Variants in RBFOX1 observed in about 807,000 individuals in gnomAD.
RBFOX1 encodes the protein RNA binding fox-1 homolog 1, also known as RNA binding protein fox-1 homolog 1.
RBFOX1 carries 8 observed loss-of-function variants against 57.7 expected under a neutral mutation model. The observed-to-expected ratio is 0.14, with a 90% CI of 0.08 to 0.25. The LOEUF (loss-of-function observed/expected upper bound fraction) is 0.25. Ranked by LOEUF, RBFOX1 falls within the 10% of genes least tolerant of loss-of-function variation. The probability of loss-of-function intolerance (pLI) is 1.00; values close to 1 mark genes in which losing one functional copy is unlikely to be tolerated. For missense variants in RBFOX1, 611 were observed against 548.5 expected (o/e 1.11, Z -1.14); for synonymous variants, 326 against 222.4 (o/e 1.47, Z -4.15).
chr16:5,359,424 C>A (rs766680998), intron 1 of RBFOX1, among the ~76,000 whole-genome samples: 1 of 152,184 alleles, frequency 6.6e-6, no homozygotes, highest in Admixed American at 6.5e-5. Context: ...AATTTACATT[C>A]CCACCAACAG....
intron 2 of RBFOX1, among the ~76,000 whole-genome samples, chr16:6,619,887 T>C (rs2098201897): frequency 6.6e-6 from 1 of 152,010 alleles, no homozygotes; most frequent in Non-Finnish European, 1.5e-5. Context: ...AGGCCGCAGT[T>C]TGTGTTGTTC....
rs74860551 is a variant in RBFOX1, at chr16:7,403,573, C to A, written c.28-114574C>A. 8.9e-5 allele frequency among the ~76,000 whole-genome samples: 13 copies of A among 145,260 alleles called. No individual in the cohort carries two copies. In the South Asian group the frequency reaches 1.4e-3, roughly 16 times the overall value. ...TGCAAATGAGAGAATCCCCCCCCCC[C>A]CACTTTTTTTTTGCCCAGTCTGGAG... On this transcript the variant is annotated intron_variant, in intron 4 of 15. Transcript: ENST00000550418.
intron 2 of RBFOX1, among the ~76,000 whole-genome samples, chr16:6,629,926 A>G (rs2098361902): frequency 6.7e-6 from 1 of 150,030 alleles, no homozygotes; most frequent in Non-Finnish European, 1.5e-5. Flanking sequence ...TGCTACATAA[A>G]TGCTAATTTT....
chr16:5,886,315 G>A (rs2057898661), intron 4 of RBFOX1, among the ~76,000 whole-genome samples: 1 of 152,204 alleles, frequency 6.6e-6, no homozygotes. Context: ...GGGTGGTTAT[G>A]AGGATTAAAT....
chr16:6,368,221 A>C (rs2089945726), intron 2 of RBFOX1, among the ~76,000 whole-genome samples: 1 of 152,202 alleles, frequency 6.6e-6, no homozygotes, highest in African/African-American at 2.4e-5. Context: ...AAAAATATTG[A>C]AAATATCTCA....
chr16:5,463,058 G>T (rs1027886968), intron 1 of RBFOX1, among the ~76,000 whole-genome samples: 1 of 152,152 alleles, frequency 6.6e-6, no homozygotes, highest in African/African-American at 2.4e-5. Flanking sequence ...TTTTGTGTAT[G>T]TATATATACA....
In RBFOX1 at chr16:7,479,527, G is replaced by C. The variant is rs965028777; in HGVS notation, c.28-38620G>C. 5.3e-5 allele frequency among the ~76,000 whole-genome samples: 8 copies of C among 152,266 alleles called. No homozygotes were observed. The South Asian group carries it at 1.5e-3, about 28-fold the overall frequency. On this transcript the variant is annotated intron_variant, in intron 4 of 15. Coordinates refer to ENST00000550418, the MANE Select transcript of RBFOX1 (RefSeq NM_018723.4). ...CCCTTGAGCTGCTGTCTATGGGAAA[G>C]GACTCAAGAGCCTGCCTTTTCCCGG...
chr16:7,422,032 A>G (rs1032487572), intron 4 of RBFOX1, among the ~76,000 whole-genome samples: 1 of 152,212 alleles, frequency 6.6e-6, no homozygotes, highest in Non-Finnish European at 1.5e-5. Flanking sequence ...TAAAGGAAAC[A>G]CAGTCTCAGT....
At chr16:7,509,598 C>G (rs1047291779) in intron 4 of RBFOX1, among the ~76,000 whole-genome samples, 1 of 152,156 alleles carries the variant, frequency 6.6e-6, no homozygotes, top group African/African-American at 2.4e-5. Flanking sequence ...TGCAAAAGAG[C>G]TGGATTTCAA....
intron 3 of RBFOX1, among the ~76,000 whole-genome samples, chr16:6,827,377 T>G (rs1473319720): frequency 6.6e-6 from 1 of 152,150 alleles, no homozygotes; most frequent in African/African-American, 2.4e-5. Flanking sequence ...GTGCCTTATC[T>G]GACCCAGCAT....
chr16:7,211,844 G>T (rs539875632), intron 4 of RBFOX1, among the ~76,000 whole-genome samples: 9 of 152,220 alleles, frequency 5.9e-5, no homozygotes, highest in African/African-American at 2.2e-4. Flanking sequence ...AGCACGAGGT[G>T]GTTGCAGCGT....
intron 2 of RBFOX1, among the ~76,000 whole-genome samples, chr16:6,501,825 G>C (rs568439188): frequency 1.8e-4 from 23 of 124,796 alleles, no homozygotes; most frequent in African/African-American, 5.7e-4. Context: ...ACACTGGGGG[G>C]AAATTCTTCT....
intron 4 of RBFOX1, among the ~76,000 whole-genome samples, chr16:7,072,189 C>T (rs1181684870): frequency 6.6e-6 from 1 of 152,168 alleles, no homozygotes; most frequent in Non-Finnish European, 1.5e-5. Context: ...TCTTCTTTCC[C>T]CAGAAAGTCC....
intron 4 of RBFOX1, among the ~76,000 whole-genome samples, chr16:7,122,636 G>A (rs2067449256): frequency 6.6e-6 from 1 of 152,082 alleles, no homozygotes; most frequent in Non-Finnish European, 1.5e-5. Flanking sequence ...ATAGAACAAT[G>A]CAGACATTCT....
At chr16:6,592,805 A>G (rs1209442058) in intron 2 of RBFOX1, among the ~76,000 whole-genome samples, 1 of 152,190 alleles carries the variant, frequency 6.6e-6, no homozygotes, top group Non-Finnish European at 1.5e-5. Context: ...CCTGGACATT[A>G]AAATACTGGA....
chr16:6,872,067 A>G (rs528625177), intron 3 of RBFOX1, among the ~76,000 whole-genome samples: 2 of 152,102 alleles, frequency 1.3e-5, no homozygotes, highest in African/African-American at 4.8e-5. Context: ...TCTCAGTTAC[A>G]TACCCTTCTT....
At chr16:7,326,799 T>G (rs1369836580) in intron 4 of RBFOX1, among the ~76,000 whole-genome samples, 1 of 152,054 alleles carries the variant, frequency 6.6e-6, no homozygotes, top group Non-Finnish European at 1.5e-5. Flanking sequence ...CTTTTCCTAC[T>G]GTTGTGATGC....
intron 11 of RBFOX1, among the ~76,000 whole-genome samples, chr16:7,650,790 C>T (rs143991720): frequency 6.6e-6 from 1 of 152,252 alleles, no homozygotes; most frequent in Non-Finnish European, 1.5e-5. Context: ...TTTCAAAATC[C>T]AGGGTGTTCC....
intron 2 of RBFOX1, among the ~76,000 whole-genome samples, chr16:6,502,034 A>C (rs942922362): frequency 6.6e-6 from 1 of 152,182 alleles, no homozygotes; most frequent in African/African-American, 2.4e-5. Flanking sequence ...TAGGGGGGTC[A>C]TGAGGGTATA....
Sources: allele counts gnomAD v4.1 joint callset (sites outside exome capture counted in the v4.1 genomes callset), GRCh38; gene constraint gnomAD v4.1.1; transcripts MANE v1.5; gene names NCBI Gene and HGNC (gene_info 2026-07-23, HGNC 2026-07-21).